The following SCHIP1 variants were observed in gnomAD, a reference collection of about 807,000 sequenced individuals.
SCHIP1 encodes schwannomin interacting protein 1.
A neutral mutation model predicts 29.7 loss-of-function variants in SCHIP1; 8 were observed. The observed-to-expected ratio is 0.27, with a 90% CI of 0.16 to 0.49. The LOEUF (loss-of-function observed/expected upper bound fraction) is 0.49, where lower values mean the gene tolerates loss of function less well. Ranked by LOEUF, SCHIP1 falls within the 20% of genes least tolerant of loss-of-function variation. SCHIP1 has a pLI of 0.99. For synonymous variants in SCHIP1, 76 were observed against 94.9 expected, an observed-to-expected ratio of 0.80 and a Z score of 1.16; for missense variants, 193 against 294.6, an observed-to-expected ratio of 0.66 and a Z score of 2.52.
chr3:159,802,352 T>G, the SCHIP1 span, among the ~76,000 whole-genome samples: 2 of 152,230 alleles, frequency 1.3e-5, no homozygotes. Flanking sequence ...GCATTGTATC[T>G]AATTGATAGT....
chr3:159,628,008 A>G, the SCHIP1 span, among the ~76,000 whole-genome samples: 3 of 152,230 alleles, frequency 2.0e-5, no homozygotes, highest in African/African-American at 7.2e-5. Flanking sequence ...AAATTAATGC[A>G]GAAAAGTGAA....
At chr3:159,812,124 C>T in the SCHIP1 span, among the ~76,000 whole-genome samples, 3 of 151,862 alleles carry the variant, frequency 2.0e-5, no homozygotes, top group Admixed American at 2.0e-4. Context: ...ACACGTGCTA[C>T]CATGCCTGGC....
chr3:159,499,920 A>G, the SCHIP1 span, among the ~76,000 whole-genome samples: 1 of 152,120 alleles, frequency 6.6e-6, no homozygotes, highest in Admixed American at 6.5e-5. Flanking sequence ...GTAATAAATC[A>G]CAAGTTCAAT....
chr3:159,778,214 C>G, the SCHIP1 span, among the ~76,000 whole-genome samples: 2 of 95,460 alleles, frequency 2.1e-5, no homozygotes, highest in South Asian at 5.6e-4. Flanking sequence ...AGGATGGTCT[C>G]TATCTCCTGA....
At chr3:159,891,394 A>G (rs375927972) in intron 5 of SCHIP1, among the ~76,000 whole-genome samples, 3 of 151,650 alleles carry the variant, frequency 2.0e-5, no homozygotes, top group Admixed American at 1.3e-4. Flanking sequence ...GGAAGGAAGG[A>G]AGGGAGGGAG....
At chr3:159,391,100 T>A in the SCHIP1 span, among the ~76,000 whole-genome samples, 1 of 152,190 alleles carries the variant, frequency 6.6e-6, no homozygotes, top group African/African-American at 2.4e-5. Context: ...ATGATGAATG[T>A]GGGGACACGC....
chr3:159,273,714 G>T, the SCHIP1 span: 1 of 1,513,764 alleles, frequency 6.6e-7, no homozygotes, highest in South Asian at 1.3e-5. Flanking sequence ...AAATTTTTTA[G>T]ACAACCTTAC....
chr3:159,628,066 A>C, the SCHIP1 span, among the ~76,000 whole-genome samples: 2 of 152,224 alleles, frequency 1.3e-5, no homozygotes, highest in Non-Finnish European at 2.9e-5. Flanking sequence ...GCTAATTCTT[A>C]AGTTTTGAAG....
the SCHIP1 span, among the ~76,000 whole-genome samples, chr3:159,424,708 T>G: frequency 3.3e-5 from 5 of 152,014 alleles, no homozygotes; most frequent in South Asian, 4.2e-4. Flanking sequence ...AAGATACTCC[T>G]CGAGAAGAGC....
At chr3:159,352,285 A>G in the SCHIP1 span, among the ~76,000 whole-genome samples, 1 of 152,166 alleles carries the variant, frequency 6.6e-6, no homozygotes, top group African/African-American at 2.4e-5. Flanking sequence ...AAATATACCA[A>G]GTGTTCTCTT....
the SCHIP1 span, among the ~76,000 whole-genome samples, chr3:159,619,490 GGCTTAAAC>G: frequency 6.6e-6 from 1 of 152,130 alleles, no homozygotes; most frequent in Non-Finnish European, 1.5e-5. Context: ...AGCATCAGTG[GGCTTAAAC>G]GCTTTTTCCT....
the SCHIP1 span, among the ~76,000 whole-genome samples, chr3:159,591,335 T>A: frequency 6.6e-6 from 1 of 152,196 alleles, no homozygotes; most frequent in African/African-American, 2.4e-5. Context: ...GTAAATTAGT[T>A]CAGCCATTGT....
At chr3:159,320,956 G>T in the SCHIP1 span, among the ~76,000 whole-genome samples, 1 of 151,932 alleles carries the variant, frequency 6.6e-6, no homozygotes, top group Admixed American at 6.6e-5. Flanking sequence ...ATACTTGGTG[G>T]TTAGTTTTAT....
the SCHIP1 span, among the ~76,000 whole-genome samples, chr3:159,477,396 C>T: frequency 6.6e-6 from 1 of 152,188 alleles, no homozygotes; most frequent in South Asian, 2.1e-4. Context: ...TTTACATTCC[C>T]ACTGGCAACA....
At chr3:159,438,415 C>G in the SCHIP1 span, among the ~76,000 whole-genome samples, 1 of 152,124 alleles carries the variant, frequency 6.6e-6, no homozygotes, top group Non-Finnish European at 1.5e-5. Context: ...CTTCTACCCC[C>G]GTTCCCTGCA....
the SCHIP1 span, among the ~76,000 whole-genome samples, chr3:159,715,366 A>G: frequency 6.6e-6 from 1 of 152,232 alleles, no homozygotes; most frequent in African/African-American, 2.4e-5. Context: ...GCAGCTCCTC[A>G]GCAGCAACAG....
the SCHIP1 span, among the ~76,000 whole-genome samples, chr3:159,287,366 A>G: frequency 1.7e-4 from 26 of 151,880 alleles, no homozygotes; most frequent in African/African-American, 6.0e-4. Flanking sequence ...ATATCAGATA[A>G]TGTGTTTTTG....
the SCHIP1 span, among the ~76,000 whole-genome samples, chr3:159,534,916 A>C: frequency 6.6e-6 from 1 of 152,186 alleles, no homozygotes; most frequent in Non-Finnish European, 1.5e-5. Context: ...TCCCCAACCC[A>C]AAATCTGACA....
the SCHIP1 span, among the ~76,000 whole-genome samples, chr3:159,422,794 C>T: frequency 6.6e-6 from 1 of 152,168 alleles, no homozygotes; most frequent in Non-Finnish European, 1.5e-5. Flanking sequence ...ATTCTCATTG[C>T]TGTACAGTAT....
Sources: gnomAD v4.1 joint callset for allele counts (sites outside exome capture counted in the v4.1 genomes callset) on GRCh38, gnomAD v4.1.1 for gene constraint, MANE v1.5 for transcripts, NCBI Gene and HGNC (gene_info 2026-07-23, HGNC 2026-07-21) for gene names.